The following CLASP2 variants were observed in gnomAD, a reference collection of about 807,000 sequenced individuals.
The protein encoded by CLASP2 is CLIP-associating protein 2.
Under a neutral mutation model 194.4 loss-of-function variants are expected in CLASP2, and 47 were observed. The observed-to-expected ratio is 0.24, with a 90% CI of 0.19 to 0.31. CLASP2 has a LOEUF of 0.31. Ranked by LOEUF, CLASP2 falls within the 10% of genes least tolerant of loss-of-function variation. CLASP2 has a pLI of 1.00. For missense variants in CLASP2, 1,445 were observed against 1,823.6 expected (o/e 0.79, Z 3.78); for synonymous variants, 619 against 633.5 (o/e 0.98, Z 0.34).
At chr3:33,705,019 A>T (rs1401168508) in intron 1 of CLASP2, among the ~76,000 whole-genome samples, 1 of 152,108 alleles carries the variant, frequency 6.6e-6, no homozygotes, top group African/African-American at 2.4e-5. Context: ...AATTTACCAC[A>T]TGGCCCAGGA....
At position 33,595,723 on chromosome 3, in the gene CLASP2, A is replaced by G. The variant is rs2070132605; in HGVS notation, c.1949-755T>C. On this transcript the variant is annotated intron_variant, in intron 19 of 38. Transcript: ENST00000682230. ...CAAACAGGAAAATATTTTGAACTGG[A>G]AAGTGATAAAAGTTCGTTTTTAAAG... is the stretch of plus-strand genomic sequence containing the variant. Among the ~76,000 whole-genome samples, 4 of 152,160 alleles carry G rather than the reference A, an allele frequency of 2.6e-5. No homozygotes were observed. The South Asian group carries it at 8.3e-4, about 32-fold the overall frequency.
intron 24 of CLASP2, among the ~76,000 whole-genome samples, chr3:33,574,025 CAG>C (rs554524103): frequency 6.6e-6 from 1 of 152,078 alleles, no homozygotes; most frequent in Non-Finnish European, 1.5e-5. Context: ...AAAGCATATT[CAG>C]ATTCCTTTGA....
intron 7 of CLASP2, among the ~76,000 whole-genome samples, chr3:33,649,040 C>T (rs896608283): frequency 2.0e-5 from 3 of 152,192 alleles, no homozygotes; most frequent in African/African-American, 7.2e-5. Context: ...ACAGGTCTCT[C>T]CAACCTTATC....
chr3:33,625,564 T>TC (rs1047165511), intron 10 of CLASP2, among the ~76,000 whole-genome samples: 41 of 142,202 alleles, frequency 2.9e-4, no homozygotes, highest in Non-Finnish European at 5.3e-4. Context: ...GATCTCTCTC[T>TC]TTTTTTTTTT....
At chr3:33,687,204 A>T (rs982283557) in intron 4 of CLASP2, 69 bp from the exon 5 acceptor site, 12 of 941,752 alleles carry the variant, frequency 1.3e-5, no homozygotes, top group Non-Finnish European at 2.0e-5. Flanking sequence ...ATATCCTTAT[A>T]CCTTCTTGTC....
Position 33,581,825 on chromosome 3 carries a change from G to T in CLASP2, c.2343C>A (p.Pro781=), listed in dbSNP as rs781599212. Reference sequence around the variant, plus strand: ...AACACCTGCCCGAATACGTACCGAGGGGCTGAAAAGAGCGAACAGGACTTG... The same window carrying T: ...AACACCTGCCCGAATACGTACCGAGTGGCTGAAAAGAGCGAACAGGACTTG... ...RDTSPVRSFQ[P]LGPGYGISQS... The change falls in exon 23 of 39, where the codon CCC becomes CCA. Residue 781 remains proline, a synonymous_variant. Coordinates refer to ENST00000682230, the MANE Select transcript of CLASP2 (RefSeq NM_001365631.1). The T allele has an allele frequency of 6.2e-7, 1 of 1,611,700 alleles. No individual in the cohort carries two copies. Among genetic ancestry groups the T allele is most frequent in the Non-Finnish European group, 8.5e-7 (1 of 1,178,432 alleles).
At chr3:33,506,473 G>C (rs1464990425) in intron 37 of CLASP2, among the ~76,000 whole-genome samples, 1 of 147,680 alleles carries the variant, frequency 6.8e-6, no homozygotes, top group African/African-American at 2.5e-5. Context: ...AGTACTGAAA[G>C]TAAGCCTTTT....
At chr3:33,517,835 G>A (rs2154102964) in intron 34 of CLASP2, among the ~76,000 whole-genome samples, 1 of 152,198 alleles carries the variant, frequency 6.6e-6, no homozygotes, top group Admixed American at 6.5e-5. Flanking sequence ...GCTAATTTTT[G>A]TGGAGACGGG....
At chr3:33,705,793 A>G (rs1048091653) in intron 1 of CLASP2, among the ~76,000 whole-genome samples, 1 of 152,236 alleles carries the variant, frequency 6.6e-6, no homozygotes, top group Non-Finnish European at 1.5e-5. Flanking sequence ...GTGTATCCAC[A>G]CTACAGGATA....
chr3:33,656,676 C>A (rs898248423), intron 7 of CLASP2, among the ~76,000 whole-genome samples: 1 of 152,076 alleles, frequency 6.6e-6, no homozygotes. Flanking sequence ...GTAGTTTGTA[C>A]AAAGGTGCTT....
intron 30 of CLASP2, among the ~76,000 whole-genome samples, chr3:33,550,583 T>C (rs933690448): frequency 6.6e-6 from 1 of 151,824 alleles, no homozygotes; most frequent in East Asian, 1.9e-4. Context: ...ATCTATGCTT[T>C]TGAGCATATG....
intron 2 of CLASP2, among the ~76,000 whole-genome samples, chr3:33,693,326 T>C (rs1296678067): frequency 6.6e-6 from 1 of 152,184 alleles, no homozygotes; most frequent in Non-Finnish European, 1.5e-5. Flanking sequence ...TAATGATAAC[T>C]AATAACCCGA....
intron 34 of CLASP2, among the ~76,000 whole-genome samples, chr3:33,529,835 G>A (rs575733773): frequency 1.6e-4 from 24 of 152,070 alleles, no homozygotes; most frequent in Admixed American, 9.2e-4. Flanking sequence ...CAAAAAAGCC[G>A]GGCGCAGTGG....
chr3:33,644,653 G>T, intron 8 of CLASP2, 104 bp downstream of exon 8: 1 of 1,223,956 alleles, frequency 8.2e-7, no homozygotes, highest in Non-Finnish European at 1.2e-6. Context: ...ATCTGCAATC[G>T]TGCTGCAGTC....
chr3:33,533,047 AT>A (rs1246236623), intron 34 of CLASP2, among the ~76,000 whole-genome samples: 2 of 152,230 alleles, frequency 1.3e-5, no homozygotes, highest in Non-Finnish European at 2.9e-5. Context: ...AAAAATACAT[AT>A]TTATAGTACA....
At chr3:33,623,063 C>T (rs1446145723) in intron 10 of CLASP2, among the ~76,000 whole-genome samples, 1 of 152,158 alleles carries the variant, frequency 6.6e-6, no homozygotes, top group Non-Finnish European at 1.5e-5. Flanking sequence ...CCCACCTTGG[C>T]CTCCCAGCAG....
chr3:33,629,760 T>A (rs2078712561), intron 9 of CLASP2, among the ~76,000 whole-genome samples: 1 of 146,086 alleles, frequency 6.8e-6, no homozygotes, highest in Non-Finnish European at 1.5e-5. Flanking sequence ...GCAAAATGAG[T>A]ATTAAAAAAA....
intron 34 of CLASP2, 69 bp from the exon 35 acceptor site, chr3:33,517,243 C>G: frequency 8.4e-7 from 1 of 1,191,522 alleles, no homozygotes; most frequent in Non-Finnish European, 1.2e-6. Flanking sequence ...GGGATAACAA[C>G]TTTATATGAT....
chr3:33,679,006 C>CTTA (rs1461444231), intron 6 of CLASP2, among the ~76,000 whole-genome samples: 2 of 152,074 alleles, frequency 1.3e-5, no homozygotes, highest in African/African-American at 4.8e-5. Context: ...TTGACACTAC[C>CTTA]TAACTTACAA....
Sources: gnomAD v4.1 joint callset for allele counts (sites outside exome capture counted in the v4.1 genomes callset) on GRCh38, gnomAD v4.1.1 for gene constraint, MANE v1.5 for transcripts, NCBI Gene and HGNC (gene_info 2026-07-23, HGNC 2026-07-21) for gene names.